The following ADAM32 variants were observed in gnomAD, a reference collection of about 807,000 sequenced individuals.
The protein encoded by ADAM32 is ADAM metallopeptidase domain 32.
In ADAM32, 89 loss-of-function variants were observed where a neutral mutation model predicts 114.9. The observed-to-expected ratio is 0.77, with a 90% CI of 0.65 to 0.92. The LOEUF (loss-of-function observed/expected upper bound fraction) is 0.92, where lower values mean the gene tolerates loss of function less well. ADAM32 is among the 40% of genes least tolerant of loss of function. ADAM32 has a pLI of 0.00. For missense variants in ADAM32, 870 were observed against 932.8 expected, an observed-to-expected ratio of 0.93 and a Z score of 0.88; for synonymous variants, 285 against 307.5, an observed-to-expected ratio of 0.93 and a Z score of 0.77.
At chr8:39,224,125 A>G (rs982042837) in intron 14 of ADAM32, 2 of 152,194 alleles carry the variant, frequency 1.3e-5, no homozygotes, top group East Asian at 1.9e-4. Context: ...TATACTCAGA[A>G]CACAAATAAA....
intron 19 of ADAM32, among the ~76,000 whole-genome samples, chr8:39,266,691 G>A (rs1812381523): frequency 6.6e-6 from 1 of 152,134 alleles, no homozygotes; most frequent in South Asian, 2.1e-4. Flanking sequence ...TAGCTGGAGA[G>A]CTATTGTGGT....
At chr8:39,180,707 C>G (rs1453204401) in intron 10 of ADAM32, among the ~76,000 whole-genome samples, 1 of 151,920 alleles carries the variant, frequency 6.6e-6, no homozygotes, top group African/African-American at 2.4e-5. Context: ...CACCCTGTGT[C>G]TAGCTCAGGG....
rs113757610 is a variant in ADAM32, at chr8:39,240,007, C to T, written c.1818+5925C>T. ...GGATTTCAATACTTCGTGACAGCAC[C>T]GGACAGGTCATCAAGACAGAAGGTC... is the stretch of plus-strand genomic sequence containing the variant. On this transcript the variant is annotated intron_variant, in intron 16 of 24. Transcript: ENST00000379907. Among the ~76,000 whole-genome samples, 462 of 152,206 alleles carry T rather than the reference C, an allele frequency of 3.0e-3. 2 individuals are homozygous for T. Among genetic ancestry groups the T allele is most frequent in the African/African-American group, 9.9e-3 (413 of 41,542 alleles).
At chr8:39,246,896 A>T (rs1414186123) in intron 17 of ADAM32, among the ~76,000 whole-genome samples, 1 of 151,864 alleles carries the variant, frequency 6.6e-6, no homozygotes, top group Admixed American at 6.6e-5. Context: ...CACTTATCTT[A>T]TTACTGTTTT....
intron 2 of ADAM32, among the ~76,000 whole-genome samples, chr8:39,135,436 C>T (rs1204350741): frequency 6.6e-6 from 1 of 152,078 alleles, no homozygotes; most frequent in Non-Finnish European, 1.5e-5. Context: ...AGAAAAATTG[C>T]TAAAAGACTA....
intron 12 of ADAM32, among the ~76,000 whole-genome samples, chr8:39,211,888 A>T (rs11786558): frequency 0.25 from 37,548 of 152,192 alleles, 4,991 homozygotes; most frequent in Non-Finnish European, 0.29. Flanking sequence ...ACAGAAATTT[A>T]TTAGGGTCTG....
intron 2 of ADAM32, among the ~76,000 whole-genome samples, chr8:39,128,331 A>AACCTC (rs1802240666): frequency 6.6e-6 from 1 of 152,194 alleles, no homozygotes; most frequent in Non-Finnish European, 1.5e-5. Context: ...GTCAGAAACT[A>AACCTC]GGTTTGTAAC....
At chr8:39,161,002 G>T in intron 7 of ADAM32, 37 bp downstream of exon 7, 1 of 1,496,208 alleles carries the variant, frequency 6.7e-7, no homozygotes, top group South Asian at 1.3e-5. Flanking sequence ...TGAAATATTT[G>T]ATCCAAATGT....
rs184873620 is a variant in ADAM32 at position 39,237,716 on chromosome 8, G to A, written c.1818+3634G>A. 8.7e-5 allele frequency among the ~76,000 whole-genome samples: 13 copies of A among 149,706 alleles called. No homozygotes were observed. The East Asian group carries it at 2.4e-3, about 27-fold the overall frequency. ...ACCACCTCCCCCAATCCACCACAACGGCCATAGCAAGCCCTACCCAAGGAG... is the reference window on the plus strand; with the variant it reads ...ACCACCTCCCCCAATCCACCACAACAGCCATAGCAAGCCCTACCCAAGGAG... On this transcript the variant is annotated intron_variant, in intron 16 of 24. Transcript: ENST00000379907.
intron 6 of ADAM32, among the ~76,000 whole-genome samples, chr8:39,160,328 C>G (rs1003214640): frequency 4.6e-5 from 7 of 152,148 alleles, no homozygotes; most frequent in Non-Finnish European, 8.8e-5. Context: ...ATCGCGAGGT[C>G]AGGAGATGGA....
intron 10 of ADAM32, among the ~76,000 whole-genome samples, chr8:39,171,161 C>T (rs1238633712): frequency 6.6e-6 from 1 of 152,114 alleles, no homozygotes; most frequent in East Asian, 1.9e-4. Context: ...GTCTCAAACT[C>T]CTGGCCTAAA....
chr8:39,254,134 C>T (rs1811476630), intron 17 of ADAM32, among the ~76,000 whole-genome samples: 1 of 151,210 alleles, frequency 6.6e-6, no homozygotes, highest in Non-Finnish European at 1.5e-5. Flanking sequence ...TTTAAGTATG[C>T]ATTTTTGAAA....
At chr8:39,176,254 T>C (rs755141567) in intron 10 of ADAM32, among the ~76,000 whole-genome samples, 1 of 152,212 alleles carries the variant, frequency 6.6e-6, no homozygotes, top group Non-Finnish European at 1.5e-5. Context: ...CTCTTGGTTC[T>C]CTTGTTCTTT....
intron 23 of ADAM32, 38 bp downstream of exon 23, chr8:39,281,212 G>GT: frequency 8.1e-7 from 1 of 1,228,042 alleles, no homozygotes; most frequent in Non-Finnish European, 1.1e-6. Context: ...AAATAAGTAT[G>GT]TTGAAAATTC....
At chr8:39,166,177 G>T (rs780620783) in intron 9 of ADAM32, 1 of 152,054 alleles carries the variant, frequency 6.6e-6, no homozygotes, top group East Asian at 1.9e-4. Flanking sequence ...CATATTTGTA[G>T]TCTTTTATCC....
At chr8:39,230,127 G>A (rs1351353879) in intron 14 of ADAM32, among the ~76,000 whole-genome samples, 2 of 152,110 alleles carry the variant, frequency 1.3e-5, no homozygotes, top group Admixed American at 6.5e-5. Flanking sequence ...GCACATCAAA[G>A]CATTCGATAA....
At chr8:39,181,086 A>T (rs1388164886) in intron 10 of ADAM32, among the ~76,000 whole-genome samples, 1 of 152,240 alleles carries the variant, frequency 6.6e-6, no homozygotes, top group East Asian at 1.9e-4. Flanking sequence ...GGGGCCAGAT[A>T]AGAGAATAAA....
intron 11 of ADAM32, among the ~76,000 whole-genome samples, chr8:39,199,582 C>A (rs886587585): frequency 2.0e-5 from 3 of 151,650 alleles, no homozygotes; most frequent in African/African-American, 7.3e-5. Flanking sequence ...TGTTAAATTT[C>A]TCATTGAAAT....
At chr8:39,224,348 A>T (rs1189494282) in intron 14 of ADAM32, among the ~76,000 whole-genome samples, 1 of 152,182 alleles carries the variant, frequency 6.6e-6, no homozygotes. Context: ...AGGATGTTCC[A>T]TATTGTTTTC....
Sources: allele counts gnomAD v4.1 joint callset (sites outside exome capture counted in the v4.1 genomes callset), GRCh38; gene constraint gnomAD v4.1.1; transcripts MANE v1.5; gene names NCBI Gene and HGNC (gene_info 2026-07-23, HGNC 2026-07-21).